Variants in ADAMTS18 observed in about 807,000 individuals in gnomAD.
The protein encoded by ADAMTS18 is ADAM metallopeptidase with thrombospondin type 1 motif 18.
In ADAMTS18, 157 loss-of-function variants were observed where a neutral mutation model predicts 165.9. The ratio of observed to expected loss-of-function variants is 0.95; its 90% CI spans 0.83 to 1.08. The LOEUF (loss-of-function observed/expected upper bound fraction) is 1.08, where lower values mean the gene tolerates loss of function less well. ADAMTS18 is among the 50% of genes least tolerant of loss of function. The pLI is 0.00. For synonymous variants in ADAMTS18, 782 were observed against 578.2 expected, an observed-to-expected ratio of 1.35 and a Z score of -5.06; for missense variants, 2,040 against 1,534.0, an observed-to-expected ratio of 1.33 and a Z score of -5.51.
At chr16:77,324,091 C>T (rs1385748688) in intron 13 of ADAMTS18, among the ~76,000 whole-genome samples, 2 of 152,132 alleles carry the variant, frequency 1.3e-5, no homozygotes, top group African/African-American at 4.8e-5. Flanking sequence ...ATTTCATAAA[C>T]ACTATGTTTG....
intron 16 of ADAMTS18, among the ~76,000 whole-genome samples, chr16:77,304,330 T>C (rs1281970499): frequency 6.6e-6 from 1 of 152,068 alleles, no homozygotes; most frequent in Non-Finnish European, 1.5e-5. Context: ...GGTGTTGTAG[T>C]GTGTGCCTAT....
chr16:77,329,293 A>G (rs1457009116), intron 12 of ADAMTS18, among the ~76,000 whole-genome samples: 1 of 151,982 alleles, frequency 6.6e-6, no homozygotes, highest in Admixed American at 6.6e-5. Flanking sequence ...TTTTATACAG[A>G]TGAGGGGCTG....
intron 3 of ADAMTS18, among the ~76,000 whole-genome samples, chr16:77,399,276 G>A (rs1389957064): frequency 6.6e-6 from 1 of 152,172 alleles, no homozygotes; most frequent in African/African-American, 2.4e-5. Context: ...CAGGCAGTGG[G>A]GGATGGTGAG....
At position 77,335,757 on chromosome 16, in the gene ADAMTS18, T is replaced by C; in HGVS notation, c.1858A>G (p.Lys620Glu). ...KFQERHCNNP[K>E]PQYGGLFCPG... Reference sequence around the variant, plus strand: ...ACTAACTTTCTGCTGGAGGCTTACTTGGGGTTATTGCAGTGTCTCTCCTGG... The same window carrying C: ...ACTAACTTTCTGCTGGAGGCTTACTCGGGGTTATTGCAGTGTCTCTCCTGG... The change falls in exon 12 of 23, where the codon AAG becomes GAG. Residue 620 changes from lysine to glutamate, a missense_variant and splice_region_variant. Lys to Glu is a moderately conservative substitution (Grantham distance 56). Transcript: ENST00000282849. 1.2e-6 allele frequency: 2 copies of C among 1,614,180 alleles called. No individual in the cohort carries two copies. Among genetic ancestry groups the C allele is most frequent in the African/African-American group, 1.3e-5 (1 of 75,046 alleles).
At chr16:77,428,750 G>T (rs1248096589) in intron 3 of ADAMTS18, among the ~76,000 whole-genome samples, 1 of 151,994 alleles carries the variant, frequency 6.6e-6, no homozygotes, top group East Asian at 1.9e-4. Flanking sequence ...GAGCATTTCA[G>T]ATTTTTTGCA....
intron 3 of ADAMTS18, among the ~76,000 whole-genome samples, chr16:77,372,028 C>G (rs1427072980): frequency 6.6e-6 from 1 of 152,048 alleles, no homozygotes; most frequent in Non-Finnish European, 1.5e-5. Flanking sequence ...AAAAAATGCT[C>G]AACATCACTA....
rs267604650 is a variant in ADAMTS18, at chr16:77,322,418, A to C, written c.2081T>G (p.Phe694Cys). 4 of 1,614,042 alleles carry C rather than the reference A, an allele frequency of 2.5e-6. No individual in the cohort carries two copies. The highest frequency in any genetic ancestry group is 3.4e-6 in the Non-Finnish European group (4 of 1,180,002). The change falls in exon 14 of 23, where the codon TTT becomes TGT. Residue 694 changes from phenylalanine (F) to cysteine (C), a missense_variant. By Grantham distance (205) the Phe-to-Cys change is radical. Coordinates refer to ENST00000282849, the MANE Select transcript of ADAMTS18 (RefSeq NM_199355.4). ...LYCKAENFEF[F>C]FAMSGKVKDG... The stretch of plus-strand genomic sequence containing the variant: ...TTTCACTTTGCCGGACATTGCAAAA[A>C]AAAATTCAAAGTTCTCAGCCTTGCA...
chr16:77,402,848 T>G (rs550774039), intron 3 of ADAMTS18, among the ~76,000 whole-genome samples: 9 of 152,290 alleles, frequency 5.9e-5, no homozygotes, highest in Non-Finnish European at 8.8e-5. Context: ...CCAGCCAAGG[T>G]TGAATGCCCT....
chr16:77,338,811 G>A lies in ADAMTS18; in HGVS notation c.1710+2893C>T, dbSNP rs949073018. 6.6e-5 allele frequency among the ~76,000 whole-genome samples: 10 copies of A among 151,840 alleles called. No homozygotes were observed. In the East Asian group the frequency reaches 9.9e-4, roughly 15 times the overall value. The stretch of plus-strand genomic sequence containing the variant: ...TAATAAAAAATAGAAAAAATTAGCC[G>A]GGCGTGGTGGCGGGCACCTGTAGTT... On this transcript the variant is annotated intron_variant, in intron 11 of 22. Coordinates refer to ENST00000282849, the MANE Select transcript of ADAMTS18 (RefSeq NM_199355.4).
chr16:77,411,759 T>C (rs1364992525), intron 3 of ADAMTS18, among the ~76,000 whole-genome samples: 1 of 144,244 alleles, frequency 6.9e-6, no homozygotes, highest in Non-Finnish European at 1.5e-5. Context: ...CAATCTTGGC[T>C]CACTGCAACC....
At chr16:77,411,677 A>ATTTTTTTTTTTT (rs34453966) in intron 3 of ADAMTS18, among the ~76,000 whole-genome samples, 2 of 73,902 alleles carry the variant, frequency 2.7e-5, no homozygotes, top group Admixed American at 1.8e-4. Flanking sequence ...AGTATCCAGA[A>ATTTTTTTTTTTT]TTTTTTTTTT....
intron 22 of ADAMTS18, among the ~76,000 whole-genome samples, chr16:77,288,524 C>T (rs896517736): frequency 2.0e-5 from 3 of 152,108 alleles, no homozygotes; most frequent in Non-Finnish European, 4.4e-5. Context: ...TCAGACTTTC[C>T]ATTTTCCTAT....
chr16:77,343,378 T>G (rs8058367), intron 10 of ADAMTS18, among the ~76,000 whole-genome samples: 1 of 152,204 alleles, frequency 6.6e-6, no homozygotes, highest in Non-Finnish European at 1.5e-5. Context: ...CTGGCCTGAT[T>G]TTAGCCCTTT....
intron 16 of ADAMTS18, among the ~76,000 whole-genome samples, chr16:77,315,373 G>A (rs1370341134): frequency 6.6e-6 from 1 of 152,142 alleles, no homozygotes; most frequent in African/African-American, 2.4e-5. Flanking sequence ...TTGCGTATGA[G>A]ATTCAGACGG....
In ADAMTS18 at chr16:77,353,785, C is replaced by T; in HGVS notation, c.1562G>A (p.Cys521Tyr). The T allele has an allele frequency of 5.6e-6, 9 of 1,614,184 alleles. No individual in the cohort carries two copies. The highest frequency in any genetic ancestry group is 7.6e-6 in the Non-Finnish European group (9 of 1,180,026). Residue 521 changes from cysteine to tyrosine, a missense_variant, in exon 10 of 23, where the codon TGT becomes TAT. Transcript: ENST00000282849. ...PGQIYDADTQ[C>Y]KWQFGAKAKL... The stretch of plus-strand genomic sequence containing the variant: ...GGCTTTTGCTCCAAATTGCCATTTA[C>T]ACTGTGTGTCAGCATCATAAATCTG...
At chr16:77,412,986 C>A (rs1218036972) in intron 3 of ADAMTS18, among the ~76,000 whole-genome samples, 3 of 152,086 alleles carry the variant, frequency 2.0e-5, no homozygotes, top group Non-Finnish European at 1.5e-5. Context: ...CATGAGACAC[C>A]ATGCCTGGCC....
rs1040564044 is a variant in ADAMTS18, at chr16:77,376,346, C to T, written c.496-8623G>A. Among the ~76,000 whole-genome samples the T allele has an allele frequency of 3.3e-5, 5 of 152,234 alleles. No homozygotes were observed. The South Asian group carries it at 1.0e-3, about 32-fold the overall frequency. On this transcript the variant is annotated intron_variant, in intron 3 of 22. Transcript: ENST00000282849. Reference sequence around the variant, plus strand: ...ATCCACCCCCAAGATCCAATCACCTCCCACCCTTCCTCCAACACTGGGAAT... The same window carrying T: ...ATCCACCCCCAAGATCCAATCACCTTCCACCCTTCCTCCAACACTGGGAAT...
At chr16:77,338,942 A>C (rs1203542463) in intron 11 of ADAMTS18, among the ~76,000 whole-genome samples, 1 of 138,378 alleles carries the variant, frequency 7.2e-6, no homozygotes, top group African/African-American at 2.9e-5. Flanking sequence ...CGACAGAGCA[A>C]GACTCCATCT....
chr16:77,319,576 G>A (rs1474883916), intron 16 of ADAMTS18, among the ~76,000 whole-genome samples: 2 of 152,150 alleles, frequency 1.3e-5, no homozygotes, highest in African/African-American at 2.4e-5. Context: ...ACTAATAGCT[G>A]GGATTACAGG....
Sources: gnomAD v4.1 joint callset for allele counts (sites outside exome capture counted in the v4.1 genomes callset) on GRCh38, gnomAD v4.1.1 for gene constraint, MANE v1.5 for transcripts, NCBI Gene and HGNC (gene_info 2026-07-23, HGNC 2026-07-21) for gene names.